CNTNAP2: variants seen among roughly 807,000 people sequenced by gnomAD.
CNTNAP2 encodes contactin associated protein 2, also known as contactin-associated protein-like 2.
Under a neutral mutation model 155.2 loss-of-function variants are expected in CNTNAP2, and 98 were observed. The observed-to-expected ratio is 0.63, with a 90% confidence interval of 0.54 to 0.75. The LOEUF is 0.75. CNTNAP2 is among the 30% of genes least tolerant of loss of function. The pLI is 0.00. For missense variants in CNTNAP2, 1,727 were observed against 1,688.1 expected, an observed-to-expected ratio of 1.02 and a Z score of -0.40; for synonymous variants, 651 against 631.2, an observed-to-expected ratio of 1.03 and a Z score of -0.47.
intron 13 of CNTNAP2, chr7:147,672,793 C>T (rs1292046427): frequency 3.3e-5 from 5 of 152,078 alleles, no homozygotes; most frequent in African/African-American, 7.2e-5. Context: ...ATTCACAAGA[C>T]GATTCTTAGT....
At chr7:148,115,674 G>A (rs1460944993) in intron 15 of CNTNAP2, among the ~76,000 whole-genome samples, 1 of 152,074 alleles carries the variant, frequency 6.6e-6, no homozygotes, top group Non-Finnish European at 1.5e-5. Flanking sequence ...GATGTTGAGG[G>A]GGGAGGAAGG....
chr7:148,275,522 G>A (rs1796856061), intron 21 of CNTNAP2, among the ~76,000 whole-genome samples: 1 of 152,190 alleles, frequency 6.6e-6, no homozygotes, highest in Non-Finnish European at 1.5e-5. Flanking sequence ...TATTATTTCT[G>A]GCAATTCTGT....
At chr7:147,595,175 T>C (rs1800805118) in intron 12 of CNTNAP2, among the ~76,000 whole-genome samples, 1 of 152,134 alleles carries the variant, frequency 6.6e-6, no homozygotes, top group Admixed American at 6.5e-5. Flanking sequence ...AAAAGAGCGT[T>C]GATGTCCTCA....
intron 13 of CNTNAP2, among the ~76,000 whole-genome samples, chr7:147,738,148 C>T (rs749908354): frequency 1.3e-5 from 2 of 152,130 alleles, no homozygotes; most frequent in Non-Finnish European, 2.9e-5. Flanking sequence ...TCCTATTCAG[C>T]CATCTTGGAA....
intron 2 of CNTNAP2, among the ~76,000 whole-genome samples, chr7:146,806,964 TA>T (rs1422610732): frequency 1.3e-5 from 2 of 152,134 alleles, no homozygotes; most frequent in African/African-American, 2.4e-5. Context: ...ATAATATTTT[TA>T]AAAATGTTTG....
chr7:147,792,724 T>A (rs1318485370), intron 13 of CNTNAP2, among the ~76,000 whole-genome samples: 1 of 152,180 alleles, frequency 6.6e-6, no homozygotes, highest in Non-Finnish European at 1.5e-5. Flanking sequence ...ATTGATGAGT[T>A]GAATTGCTGG....
At chr7:147,023,122 C>T (rs746448296) in intron 3 of CNTNAP2, among the ~76,000 whole-genome samples, 1 of 152,078 alleles carries the variant, frequency 6.6e-6, no homozygotes, top group African/African-American at 2.4e-5. Context: ...AGAACCTTAT[C>T]GTGTTGTTCA....
chr7:146,528,643 T>C (rs1416007636), intron 1 of CNTNAP2, among the ~76,000 whole-genome samples: 3 of 152,204 alleles, frequency 2.0e-5, no homozygotes, highest in Non-Finnish European at 4.4e-5. Flanking sequence ...TAGAAAGCTA[T>C]GGCTGTCACA....
chr7:147,133,913 T>C (rs1801427282), intron 8 of CNTNAP2, among the ~76,000 whole-genome samples: 2 of 152,116 alleles, frequency 1.3e-5, no homozygotes, highest in South Asian at 4.1e-4. Context: ...TAATCAACCA[T>C]ATTTTATCAC....
intron 1 of CNTNAP2, among the ~76,000 whole-genome samples, chr7:146,190,255 T>A (rs1002764791): frequency 2.0e-5 from 3 of 152,188 alleles, no homozygotes; most frequent in African/African-American, 7.2e-5. Flanking sequence ...ACCAAGGAGA[T>A]AAGCAGTGAC....
intron 18 of CNTNAP2, among the ~76,000 whole-genome samples, chr7:148,201,922 C>T (rs1000807745): frequency 1.3e-5 from 2 of 151,720 alleles, no homozygotes; most frequent in African/African-American, 4.8e-5. Context: ...AACAAATTGA[C>T]GCACACGGTT....
intron 21 of CNTNAP2, among the ~76,000 whole-genome samples, chr7:148,358,307 C>G (rs1027055344): frequency 6.6e-6 from 1 of 152,148 alleles, no homozygotes; most frequent in African/African-American, 2.4e-5. Flanking sequence ...TCAGAAACAT[C>G]CCCCTGAGGG....
chr7:147,241,369 T>A lies in CNTNAP2; in HGVS notation c.1349-58772T>A, dbSNP rs73459560. ...TCTGCCGGGCGCGGTGCCTCTTGCC[T>A]GTAATGCCAGCACTTTGGGAGGCTG... On this transcript the variant is annotated intron_variant, in intron 8 of 23. Transcript: ENST00000361727. Among the ~76,000 whole-genome samples, 1,337 of 152,254 alleles carry A rather than the reference T, an allele frequency of 8.8e-3. 19 individuals are homozygous for A. The highest frequency in any genetic ancestry group is 0.031 in the African/African-American group (1,287 of 41,552).
At chr7:147,311,988 G>A (rs901750295) in intron 9 of CNTNAP2, among the ~76,000 whole-genome samples, 50 of 152,012 alleles carry the variant, frequency 3.3e-4, no homozygotes, top group African/African-American at 1.2e-3. Flanking sequence ...TTATTTACAT[G>A]TCTCTCTTTT....
chr7:147,268,592 T>C (rs1369081762), intron 8 of CNTNAP2, among the ~76,000 whole-genome samples: 1 of 152,090 alleles, frequency 6.6e-6, no homozygotes, highest in Non-Finnish European at 1.5e-5. Context: ...CAAACCACCA[T>C]GGCACATGTA....
intron 1 of CNTNAP2, among the ~76,000 whole-genome samples, chr7:146,711,035 C>G (rs28535160): frequency 0.013 from 1,907 of 151,772 alleles, 40 homozygotes; most frequent in African/African-American, 0.043. Flanking sequence ...AACCTCTTGG[C>G]TCAGGTGCTG....
intron 1 of CNTNAP2, among the ~76,000 whole-genome samples, chr7:146,555,975 A>G (rs1207442049): frequency 2.6e-5 from 4 of 152,210 alleles, no homozygotes; most frequent in Non-Finnish European, 5.9e-5. Context: ...ACTCTCAAAA[A>G]AGAGAGCAGG....
intron 13 of CNTNAP2, among the ~76,000 whole-genome samples, chr7:147,892,456 G>A (rs1214104643): frequency 6.6e-6 from 1 of 152,146 alleles, no homozygotes. Flanking sequence ...TGGTGTAAAG[G>A]AATGAGCCAG....
At chr7:147,541,625 T>G (rs1056296847) in intron 11 of CNTNAP2, among the ~76,000 whole-genome samples, 2 of 152,192 alleles carry the variant, frequency 1.3e-5, no homozygotes, top group African/African-American at 4.8e-5. Context: ...GTGGTCAATT[T>G]TAAATCGTAC....
Sources: allele counts gnomAD v4.1 joint callset (sites outside exome capture counted in the v4.1 genomes callset), GRCh38; gene constraint gnomAD v4.1.1; transcripts MANE v1.5; gene names NCBI Gene and HGNC (gene_info 2026-07-23, HGNC 2026-07-21).